The following SBNO2 variants were observed in gnomAD, a reference collection of about 807,000 sequenced individuals.
The protein encoded by SBNO2 is strawberry notch homolog 2.
A neutral mutation model predicts 146.3 loss-of-function variants in SBNO2; 89 were observed. The ratio of observed to expected loss-of-function variants is 0.61; its 90% CI spans 0.51 to 0.73. The LOEUF (loss-of-function observed/expected upper bound fraction) is 0.73, where lower values mean the gene tolerates loss of function less well. Ranked by LOEUF, SBNO2 falls within the 30% of genes least tolerant of loss-of-function variation. SBNO2 has a pLI of 0.00. For missense variants in SBNO2, 2,092 were observed against 2,003.7 expected, an observed-to-expected ratio of 1.04 and a Z score of -0.84; for synonymous variants, 1,147 against 892.6, an observed-to-expected ratio of 1.29 and a Z score of -5.08.
chr19:1,123,607 C>G lies in SBNO2; in HGVS notation c.555G>C (p.Glu185Asp), dbSNP rs564392503. The G allele has an allele frequency of 2.2e-5, 36 of 1,613,318 alleles. No individual in the cohort carries two copies. The East Asian group carries it at 6.0e-4, about 27-fold the overall frequency. Residue 185 changes from glutamate (E) to aspartate (D), a missense_variant, in exon 7 of 32, where the codon GAG becomes GAC. Physicochemically the swap from Glu to Asp is conservative, Grantham distance 45 (BLOSUM62 2). Coordinates refer to ENST00000361757, the MANE Select transcript of SBNO2 (RefSeq NM_014963.3). ...CCGCCTCCTCCTCCTCAGCCTCGTC[C>G]TCCTCCTCTGGCTGGCTCTGCACAC... ...EQSVQSQPEE[E>D]DEAEEEEAEE...
rs780711123 is a variant in SBNO2, at chr19:1,112,082, G to A, written c.2629-15C>T. The A allele has an allele frequency of 7.4e-6, 12 of 1,612,142 alleles. No homozygotes were observed. The East Asian group carries it at 2.0e-4, about 27-fold the overall frequency. ...GTCAGGGCCCCCTGCCAGGGGTGGGGAGGCCATCAGTTGGTCACCTGGGGT... is the reference window on the plus strand; with the variant it reads ...GTCAGGGCCCCCTGCCAGGGGTGGGAAGGCCATCAGTTGGTCACCTGGGGT... On this transcript the variant is annotated splice_polypyrimidine_tract_variant and intron_variant, in intron 22 of 31. Coordinates refer to ENST00000361757, the MANE Select transcript of SBNO2 (RefSeq NM_014963.3). This position sits in a 1 kb window ranked among gnomAD's most constrained non-coding sequence, Gnocchi z 5.9.
chr19:1,160,527 C>T (rs2080333613), intron 1 of SBNO2, among the ~76,000 whole-genome samples: 2 of 152,164 alleles, frequency 1.3e-5, no homozygotes, highest in African/African-American at 4.8e-5. Context: ...TGGCTGGAGC[C>T]ACCGGGGGTC....
chr19:1,163,181 C>T (rs1323327722), intron 1 of SBNO2, among the ~76,000 whole-genome samples: 2 of 152,186 alleles, frequency 1.3e-5, no homozygotes, highest in Non-Finnish European at 2.9e-5. Context: ...TCTTTGCACA[C>T]GTGGTTGGTT....
At chr19:1,119,444 C>T in intron 13 of SBNO2, 72 bp downstream of exon 13, 8 of 1,256,796 alleles carry the variant, frequency 6.4e-6, no homozygotes, top group Non-Finnish European at 9.0e-6. Flanking sequence ...AGTGCCAGGC[C>T]TTGGGCTGAT....
rs943961079 is a variant in SBNO2, at chr19:1,136,746, G to A, written c.280-8981C>T. Reference sequence around the variant, plus strand: ...ATCTGACCCCTGCTGAAACGCATCTGCAGAACAGTCAATGCTGCCTGCCTC... The same window carrying A: ...ATCTGACCCCTGCTGAAACGCATCTACAGAACAGTCAATGCTGCCTGCCTC... On this transcript the variant is annotated intron_variant, in intron 4 of 31. Coordinates refer to ENST00000361757, the MANE Select transcript of SBNO2 (RefSeq NM_014963.3). This position sits in a 1 kb window ranked among gnomAD's most constrained non-coding sequence, Gnocchi z 4.2. 3.9e-5 allele frequency among the ~76,000 whole-genome samples: 6 copies of A among 152,190 alleles called. No individual in the cohort carries two copies. Among genetic ancestry groups the A allele is most frequent in the African/African-American group, 7.2e-5 (3 of 41,450 alleles).
chr19:1,152,381 T>C (rs1281793517), intron 2 of SBNO2, among the ~76,000 whole-genome samples: 1 of 152,194 alleles, frequency 6.6e-6, no homozygotes. Flanking sequence ...CCCTCCCTCC[T>C]GGATTAGTCC....
In SBNO2 at chr19:1,126,425, G is replaced by A. The variant is rs946664030; in HGVS notation, c.441+1179C>T. Among the ~76,000 whole-genome samples the A allele has an allele frequency of 2.6e-5, 4 of 152,208 alleles. No homozygotes were observed. Among genetic ancestry groups the A allele is most frequent in the South Asian group, 2.1e-4 (1 of 4,826 alleles). On this transcript the variant is annotated intron_variant, in intron 5 of 31. Transcript: ENST00000361757. This position sits in a 1 kb window ranked among gnomAD's most constrained non-coding sequence, Gnocchi z 4.4. ...GTCAGGCCCTGGCTTCTTTCCTCAC[G>A]CCCTGCTGAGGACCTGGGAGCTAGC...
rs919284164 is a variant in SBNO2 at position 1,152,136 on chromosome 19, C to T, written c.93+2048G>A. Among the ~76,000 whole-genome samples, 5 of 152,322 alleles carry T rather than the reference C, an allele frequency of 3.3e-5. No homozygotes were observed. The South Asian group carries it at 8.3e-4, about 25-fold the overall frequency. ...ACGGGATGGGGAGCAAAGCCGGTTA[C>T]GCGCACGGGTGCGCCCCGGCCTGAG... On this transcript the variant is annotated intron_variant, in intron 2 of 31. Coordinates refer to ENST00000361757, the MANE Select transcript of SBNO2 (RefSeq NM_014963.3).
intron 4 of SBNO2, among the ~76,000 whole-genome samples, chr19:1,146,381 A>T (rs1190617415): frequency 6.6e-6 from 1 of 151,990 alleles, no homozygotes; most frequent in Non-Finnish European, 1.5e-5. Flanking sequence ...GAGCCCTGGG[A>T]CCTGAATTGG....
At position 1,119,899 on chromosome 19, in the gene SBNO2, G is replaced by C. The variant is rs747485387; in HGVS notation, c.1267+7C>G. On this transcript the variant is annotated splice_region_variant and intron_variant, in intron 12 of 31. Transcript: ENST00000361757. ...GGGTGGGTCACGTGGGATCCGCACC[G>C]CCCCACCTGTGGCGCTGGCGTAGAC... The C allele has an allele frequency of 1.3e-6, 2 of 1,540,036 alleles. No homozygotes were observed. The highest frequency in any genetic ancestry group is 1.8e-6 in the Non-Finnish European group (2 of 1,142,160).
intron 4 of SBNO2, chr19:1,132,106 A>C (rs1364875230): frequency 6.5e-7 from 1 of 1,540,120 alleles, no homozygotes; most frequent in Non-Finnish European, 8.7e-7. Flanking sequence ...CAGAGCCTCA[A>C]ACTGCAGCCA....
chr19:1,118,729 G>A (rs759799349), intron 14 of SBNO2, among the ~76,000 whole-genome samples: 3 of 152,148 alleles, frequency 2.0e-5, no homozygotes, highest in Non-Finnish European at 4.4e-5. Context: ...AAAATTAGCT[G>A]GGTGTGGAGG....
chr19:1,117,906 G>T (rs1307667211), intron 14 of SBNO2, among the ~76,000 whole-genome samples: 2 of 152,228 alleles, frequency 1.3e-5, no homozygotes, highest in Non-Finnish European at 2.9e-5. Flanking sequence ...CGGCATGACT[G>T]GGTGGGCTGG....
chr19:1,131,431 G>C (rs1599849892), intron 4 of SBNO2, among the ~76,000 whole-genome samples: 3 of 63,486 alleles, frequency 4.7e-5, no homozygotes, highest in Admixed American at 1.8e-4. Flanking sequence ...GGGAGGACCT[G>C]GCTGGGAGGA....
At chr19:1,143,441 C>T (rs2080158542) in intron 4 of SBNO2, among the ~76,000 whole-genome samples, 1 of 152,142 alleles carries the variant, frequency 6.6e-6, no homozygotes, top group Non-Finnish European at 1.5e-5. Flanking sequence ...CGCTGCACTC[C>T]AGGCTGAACA....
chr19:1,114,325 A>G lies in SBNO2; in HGVS notation c.1983T>C (p.Pro661=), dbSNP rs61742575. Residue 661 remains proline (P), a synonymous_variant, in exon 18 of 32, where the codon CCT becomes CCC. Transcript: ENST00000361757. ...AGGAGTTGAAGTCGCTGTCCAGGCC[A>G]GGGTCCGACTCCGTGCTGCTGTCGT... ...ISDDSSTESD[P]GLDSDFNSSP... 5,502 of 1,556,758 alleles carry G rather than the reference A, an allele frequency of 3.5e-3. 153 individuals carry two copies. The African/African-American group carries it at 0.061, about 17-fold the overall frequency.
chr19:1,119,780 C>T lies in SBNO2; in HGVS notation c.1267+126G>A, dbSNP rs58727223. 10,510 of 946,678 alleles carry T rather than the reference C, an allele frequency of 0.011. 799 individuals are homozygous for T. In the African/African-American group the frequency reaches 0.15, roughly 14 times the overall value. 58.6% of individuals were successfully genotyped at this position (946,678 alleles called of 1,614,324 possible). ...GCCTTGGGACAGGCGCAGAGGTGCC[C>T]CAGTGTCCGAGGAGGAGCAGGGTGC... On this transcript the variant is annotated intron_variant, in intron 12 of 31. Coordinates refer to ENST00000361757, the MANE Select transcript of SBNO2 (RefSeq NM_014963.3).
chr19:1,120,206 G>GC (rs1353239136), intron 11 of SBNO2, 183 bp from the exon 12 acceptor site: 9 of 593,736 alleles, frequency 1.5e-5, no homozygotes, highest in South Asian at 1.2e-4. Flanking sequence ...CGGGCAGGCG[G>GC]CCCCCACACG....
intron 4 of SBNO2, among the ~76,000 whole-genome samples, chr19:1,139,781 T>G (rs984300728): frequency 6.7e-6 from 1 of 148,838 alleles, no homozygotes; most frequent in African/African-American, 2.5e-5. Flanking sequence ...GGAGACAGAG[T>G]GAGACTTTGT....
Sources: gnomAD v4.1 joint callset for allele counts (sites outside exome capture counted in the v4.1 genomes callset) on GRCh38, gnomAD v4.1.1 for gene constraint, Gnocchi (gnomAD v3.1) non-coding constraint, MANE v1.5 for transcripts, NCBI Gene and HGNC (gene_info 2026-07-23, HGNC 2026-07-21) for gene names.